Variants in TBXAS1 observed in about 807,000 individuals in gnomAD.
TBXAS1 encodes thromboxane-A synthase.
A neutral mutation model predicts 60.7 loss-of-function variants in TBXAS1; 48 were observed. That is an observed-to-expected ratio of 0.79 (90% CI 0.63 to 1.01). The LOEUF is 1.01. Ranked by LOEUF, TBXAS1 falls within the 50% of genes least tolerant of loss-of-function variation. The probability of loss-of-function intolerance (pLI) is 0.00; values close to 1 mark genes in which losing one functional copy is unlikely to be tolerated. For synonymous variants in TBXAS1, 287 were observed against 269.7 expected (o/e 1.06, Z -0.63); for missense variants, 685 against 686.3 (o/e 1.00, Z 0.02).
intron 1 of TBXAS1, among the ~76,000 whole-genome samples, chr7:139,839,306 G>A (rs8192803): frequency 0.47 from 71,205 of 152,012 alleles, 17,654 homozygotes; most frequent in East Asian, 0.88. Flanking sequence ...TTCTAGTGGT[G>A]AAGGGGAAAG....
intron 4 of TBXAS1, among the ~76,000 whole-genome samples, chr7:139,915,267 A>G (rs910438121): frequency 1.3e-5 from 2 of 152,160 alleles, no homozygotes; most frequent in Admixed American, 6.5e-5. Flanking sequence ...CCATATGCTT[A>G]TTTATCTGCT....
At chr7:139,806,125 G>A (rs1258341238) in intron 4 of TBXAS1, among the ~76,000 whole-genome samples, 1 of 151,224 alleles carries the variant, frequency 6.6e-6, no homozygotes, top group Non-Finnish European at 1.5e-5. Context: ...TTTTAGTAGA[G>A]ACGGGGTTTC....
intron 3 of TBXAS1, among the ~76,000 whole-genome samples, chr7:139,876,194 T>C (rs1346390629): frequency 3.9e-5 from 6 of 152,224 alleles, no homozygotes; most frequent in Non-Finnish European, 8.8e-5. Flanking sequence ...CCGGATATGC[T>C]GGGGCATATG....
At chr7:139,904,996 TC>T (rs1483522702) in intron 3 of TBXAS1, among the ~76,000 whole-genome samples, 6,064 of 95,282 alleles carry the variant, frequency 0.064, 209 homozygotes, top group South Asian at 0.11. Context: ...TCTCTCTTTC[TC>T]TCTTTCTCTC....
chr7:139,931,052 CACAT>C lies in TBXAS1; in HGVS notation c.334-5135_334-5132del, dbSNP rs1311852105. Among the ~76,000 whole-genome samples, 5 of 152,044 alleles carry C rather than the reference CACAT, an allele frequency of 3.3e-5. No individual in the cohort carries two copies. In the South Asian group the frequency reaches 1.0e-3, roughly 32 times the overall value. On this transcript the variant is annotated intron_variant, in intron 4 of 12. Transcript: ENST00000448866. Reference sequence around the variant, plus strand: ...CATTTTGATACAGAATACACACACACACATACACACATACACACGCATACATGTA... The same window carrying C: ...CATTTTGATACAGAATACACACACACACACACATACACACGCATACATGTA...
intron 9 of TBXAS1, among the ~76,000 whole-genome samples, chr7:139,981,233 G>T (rs1811952982): frequency 6.6e-6 from 1 of 152,128 alleles, no homozygotes; most frequent in African/African-American, 2.4e-5. Context: ...TCAGCCTCCT[G>T]AGTAGCTGGG....
chr7:139,952,654 A>G lies in TBXAS1; in HGVS notation c.451-714A>G, dbSNP rs779968590. On this transcript the variant is annotated intron_variant, in intron 5 of 12. Transcript: ENST00000448866. ...CGTTTGTCGAAGCCGAGTGGTATCT[A>G]TGTGAATCTCCATTATGCCACTCTA... The G allele has an allele frequency of 3.9e-6, 6 of 1,537,040 alleles. No individual in the cohort carries two copies. In the African/African-American group the frequency reaches 4.1e-5, roughly 11 times the overall value.
chr7:139,881,435 A>T (rs1802683916), intron 3 of TBXAS1, among the ~76,000 whole-genome samples: 1 of 151,924 alleles, frequency 6.6e-6, no homozygotes. Flanking sequence ...TGGAAGATGG[A>T]GTTAGGGACA....
At chr7:139,904,668 G>A (rs191381679) in intron 3 of TBXAS1, among the ~76,000 whole-genome samples, 9 of 152,242 alleles carry the variant, frequency 5.9e-5, no homozygotes, top group Non-Finnish European at 1.0e-4. Flanking sequence ...TCCACTCCTT[G>A]GTTAGGTATA....
intron 3 of TBXAS1, among the ~76,000 whole-genome samples, chr7:139,784,791 A>T (rs910091093): frequency 2.0e-5 from 3 of 152,224 alleles, no homozygotes; most frequent in Non-Finnish European, 4.4e-5. Context: ...TCAGATAGGG[A>T]TGCTCAGTTG....
chr7:139,984,868 G>A (rs1340760531), intron 9 of TBXAS1, among the ~76,000 whole-genome samples: 1 of 132,694 alleles, frequency 7.5e-6, no homozygotes, highest in Admixed American at 7.7e-5. Context: ...AAAGAAGAAA[G>A]AGAAAGAAAG....
Position 139,938,913 on chromosome 7 carries a change from C to T in TBXAS1, c.450+2606C>T, listed in dbSNP as rs1808035683. On this transcript the variant is annotated intron_variant, in intron 5 of 12. Coordinates refer to ENST00000448866, the MANE Select transcript of TBXAS1 (RefSeq NM_001061.7). ...TTATCATGGTCTAGATTCCTTTAACCCCTTACAGGGGATACTCCAGAAAGT... is the reference window on the plus strand; with the variant it reads ...TTATCATGGTCTAGATTCCTTTAACTCCTTACAGGGGATACTCCAGAAAGT... Among the ~76,000 whole-genome samples the T allele has an allele frequency of 1.3e-5, 2 of 152,190 alleles. 1 individual carries two copies. Among genetic ancestry groups the T allele is most frequent in the South Asian group, 4.1e-4 (2 of 4,828 alleles).
chr7:139,952,013 A>AG (rs879938572), intron 5 of TBXAS1, among the ~76,000 whole-genome samples: 3,536 of 130,500 alleles, frequency 0.027, 42 homozygotes, highest in East Asian at 0.052. Context: ...AAAGAAAGAA[A>AG]AAGAAAGGAA....
chr7:139,905,011 C>CTTTA (rs1283239487), intron 3 of TBXAS1, among the ~76,000 whole-genome samples: 1 of 65,996 alleles, frequency 1.5e-5, no homozygotes, highest in Non-Finnish European at 3.0e-5. Flanking sequence ...TTCTCTCTTT[C>CTTTA]TTTCTTTCTT....
intron 9 of TBXAS1, 24 bp from the exon 10 acceptor site, chr7:140,007,067 C>T: frequency 6.2e-7 from 1 of 1,607,716 alleles, no homozygotes; most frequent in Non-Finnish European, 8.5e-7. Context: ...CGAACTTCTC[C>T]CTTTGTCACG....
chr7:139,868,318 G>A (rs531142191), intron 1 of TBXAS1, among the ~76,000 whole-genome samples: 112 of 152,120 alleles, frequency 7.4e-4, no homozygotes, highest in African/African-American at 2.5e-3. Context: ...TTTTTACAAT[G>A]ACAATTTTTA....
At chr7:139,944,762 C>T (rs368800832) in intron 5 of TBXAS1, among the ~76,000 whole-genome samples, 4 of 152,124 alleles carry the variant, frequency 2.6e-5, no homozygotes, top group African/African-American at 9.7e-5. Context: ...ACACCATCAA[C>T]GTTTGGGGCT....
At chr7:139,805,712 T>TTCTTTCTTTCTTTCTTTCTTTCTCTC (rs753031062) in intron 4 of TBXAS1, among the ~76,000 whole-genome samples, 1 of 44,318 alleles carries the variant, frequency 2.3e-5, no homozygotes, top group Non-Finnish European at 4.7e-5. Flanking sequence ...CTTTCTTTCT[T>TTCTTTCTTTCTTTCTTTCTTTCTCTC]TCTCTCTCTC....
chr7:139,847,595 G>T (rs540368303), intron 1 of TBXAS1, among the ~76,000 whole-genome samples: 1 of 151,932 alleles, frequency 6.6e-6, no homozygotes. Context: ...TCCACCCCAG[G>T]CACCACTCCA....
Sources: gnomAD v4.1 joint callset for allele counts (sites outside exome capture counted in the v4.1 genomes callset) on GRCh38, gnomAD v4.1.1 for gene constraint, MANE v1.5 for transcripts, NCBI Gene and HGNC (gene_info 2026-07-23, HGNC 2026-07-21) for gene names.